The following HPSE2 variants were observed in gnomAD, a reference collection of about 807,000 sequenced individuals.
HPSE2 encodes the protein inactive heparanase-2.
A neutral mutation model predicts 60.5 loss-of-function variants in HPSE2; 38 were observed. That is an observed-to-expected ratio of 0.63 (90% CI 0.48 to 0.82). HPSE2 has a LOEUF of 0.82. Among genes scored for constraint, HPSE2 ranks in the 40% least tolerant of loss-of-function variants. HPSE2 has a pLI of 0.00. For synonymous variants in HPSE2, 295 were observed against 293.2 expected (o/e 1.01, Z -0.06); for missense variants, 713 against 740.4 (o/e 0.96, Z 0.43).
intron 2 of HPSE2, among the ~76,000 whole-genome samples, chr10:99,162,575 A>C (rs758939976): frequency 1.4e-4 from 22 of 152,298 alleles, no homozygotes; most frequent in Non-Finnish European, 3.1e-4. Flanking sequence ...CAGATCCTTG[A>C]AACAGGTTCA....
chr10:99,219,836 T>TAC (rs1392407575), intron 2 of HPSE2, among the ~76,000 whole-genome samples: 1 of 152,240 alleles, frequency 6.6e-6, no homozygotes, highest in Non-Finnish European at 1.5e-5. Flanking sequence ...GGTGACCTTC[T>TAC]GCCTTCTTTA....
chr10:99,077,779 T>C (rs1842998274), intron 3 of HPSE2, among the ~76,000 whole-genome samples: 1 of 148,874 alleles, frequency 6.7e-6, no homozygotes. Context: ...ATTTTCACTT[T>C]GTTAATACAT....
chr10:99,128,422 T>A (rs1845248234), intron 3 of HPSE2, among the ~76,000 whole-genome samples: 1 of 152,066 alleles, frequency 6.6e-6, no homozygotes. Context: ...AGACATGGAA[T>A]CAACCAAAAT....
intron 9 of HPSE2, among the ~76,000 whole-genome samples, chr10:98,557,371 G>C (rs1247314324): frequency 6.6e-6 from 1 of 152,176 alleles, no homozygotes; most frequent in Non-Finnish European, 1.5e-5. Flanking sequence ...GCAGTATACT[G>C]AGGAAAGGAT....
chr10:98,510,091 T>C (rs966270254), intron 9 of HPSE2, among the ~76,000 whole-genome samples: 31 of 152,310 alleles, frequency 2.0e-4, no homozygotes, highest in African/African-American at 7.2e-4. Context: ...CGAATGTGCA[T>C]TATGTCTTCC....
intron 9 of HPSE2, among the ~76,000 whole-genome samples, chr10:98,504,241 C>G (rs1434835465): frequency 6.6e-6 from 1 of 152,136 alleles, no homozygotes; most frequent in Non-Finnish European, 1.5e-5. Flanking sequence ...TTGTCTTCCA[C>G]ATTGCTATAC....
intron 3 of HPSE2, among the ~76,000 whole-genome samples, chr10:98,832,633 G>A (rs1268671900): frequency 2.0e-5 from 3 of 152,160 alleles, no homozygotes; most frequent in Admixed American, 1.3e-4. Flanking sequence ...CAGGATCCAC[G>A]TGGGAAAGGA....
At chr10:98,546,640 C>T (rs1438976340) in intron 9 of HPSE2, among the ~76,000 whole-genome samples, 12 of 151,012 alleles carry the variant, frequency 7.9e-5, no homozygotes, top group African/African-American at 1.9e-4. Flanking sequence ...TTACACCTTA[C>T]ACAAAAATTA....
intron 3 of HPSE2, among the ~76,000 whole-genome samples, chr10:99,104,820 C>G (rs1445274449): frequency 1.3e-5 from 2 of 151,962 alleles, no homozygotes; most frequent in Non-Finnish European, 2.9e-5. Context: ...GGACAAAAAA[C>G]CAAACACCAC....
intron 3 of HPSE2, among the ~76,000 whole-genome samples, chr10:98,912,398 A>T (rs1369301321): frequency 2.0e-5 from 3 of 152,170 alleles, no homozygotes; most frequent in African/African-American, 7.2e-5. Context: ...TCCTCAAGAA[A>T]GTAAAAATTG....
intron 3 of HPSE2, among the ~76,000 whole-genome samples, chr10:98,944,093 C>G (rs566408120): frequency 6.6e-6 from 1 of 152,096 alleles, no homozygotes; most frequent in African/African-American, 2.4e-5. Context: ...GCTAGAGGTA[C>G]AGGGAAGATG....
In HPSE2 at chr10:99,007,777, G is replaced by A. The variant is rs147738565; in HGVS notation, c.610+136461C>T. On this transcript the variant is annotated intron_variant, in intron 3 of 11. Coordinates refer to ENST00000370552, the MANE Select transcript of HPSE2 (RefSeq NM_021828.5). ...AAACAGATGACAAAATGGGAGCAGG[G>A]CCTTTAGAGTCTAGCCCCTTATTTC... Among the ~76,000 whole-genome samples, 340 of 152,258 alleles carry A rather than the reference G, an allele frequency of 2.2e-3. 1 individual carries two copies. Among genetic ancestry groups the A allele is most frequent in the African/African-American group, 8.0e-3 (333 of 41,534 alleles).
At chr10:98,603,425 C>T (rs1404328160) in intron 9 of HPSE2, among the ~76,000 whole-genome samples, 3 of 110,324 alleles carry the variant, frequency 2.7e-5, no homozygotes, top group Non-Finnish European at 5.7e-5. Flanking sequence ...TACGCCAGAG[C>T]ACTCTGTTTT....
chr10:98,757,748 T>C (rs1949910771), intron 3 of HPSE2, among the ~76,000 whole-genome samples: 1 of 152,086 alleles, frequency 6.6e-6, no homozygotes, highest in Admixed American at 6.6e-5. Flanking sequence ...TCAATATTGT[T>C]AAAATGGCCA....
chr10:98,614,547 C>G (rs1945848634), intron 9 of HPSE2, among the ~76,000 whole-genome samples: 1 of 152,158 alleles, frequency 6.6e-6, no homozygotes, highest in South Asian at 2.1e-4. Flanking sequence ...CCGCCTTGGC[C>G]TCCCAAAGTG....
At chr10:99,076,498 G>T (rs1035241590) in intron 3 of HPSE2, among the ~76,000 whole-genome samples, 2 of 151,956 alleles carry the variant, frequency 1.3e-5, no homozygotes, top group African/African-American at 4.8e-5. Flanking sequence ...AGCAATTCTG[G>T]TTCCTCAGCC....
intron 3 of HPSE2, among the ~76,000 whole-genome samples, chr10:98,858,392 A>T (rs1340163316): frequency 6.6e-6 from 1 of 152,186 alleles, no homozygotes; most frequent in East Asian, 1.9e-4. Context: ...AACTTTACAG[A>T]TCTGTAATAT....
chr10:98,599,872 C>T (rs1474474249), intron 9 of HPSE2, among the ~76,000 whole-genome samples: 2 of 152,140 alleles, frequency 1.3e-5, no homozygotes, highest in Non-Finnish European at 2.9e-5. Flanking sequence ...CCTATTCTGC[C>T]ATCTTGCTGC....
chr10:98,971,060 C>T (rs1043965958), intron 3 of HPSE2, among the ~76,000 whole-genome samples: 10 of 149,324 alleles, frequency 6.7e-5, no homozygotes, highest in African/African-American at 2.3e-4. Context: ...TGATTCAAAG[C>T]AGTTTAAAAT....
Sources: gnomAD v4.1 joint callset for allele counts (sites outside exome capture counted in the v4.1 genomes callset) on GRCh38, gnomAD v4.1.1 for gene constraint, MANE v1.5 for transcripts, NCBI Gene and HGNC (gene_info 2026-07-23, HGNC 2026-07-21) for gene names.